Variants in ZNF226 observed in about 807,000 individuals in gnomAD.
The protein encoded by ZNF226 is Kruppel-associated box protein.
In ZNF226, 6 loss-of-function variants were observed where a neutral mutation model predicts 11.4. That is an observed-to-expected ratio of 0.53 (90% CI 0.29 to 1.04). The LOEUF (loss-of-function observed/expected upper bound fraction) is 1.04, where lower values mean the gene tolerates loss of function less well. Ranked by LOEUF, ZNF226 falls within the 50% of genes least tolerant of loss-of-function variation. The pLI is 0.08. For missense variants in ZNF226, 1,058 were observed against 956.5 expected (o/e 1.11, Z -1.40); for synonymous variants, 350 against 322.8 (o/e 1.08, Z -0.90).
intron 3 of ZNF226, 51 bp downstream of exon 3, chr19:44,170,146 A>G: frequency 1.9e-6 from 3 of 1,591,414 alleles, no homozygotes; most frequent in Non-Finnish European, 2.6e-6. Context: ...TTTAGTACTC[A>G]GAGATGGAAC....
chr19:44,180,551 C>T (rs1280658038), downstream of ZNF226, among the ~76,000 whole-genome samples: 3 of 152,046 alleles, frequency 2.0e-5, no homozygotes, highest in Non-Finnish European at 4.4e-5. Flanking sequence ...AGTCAGGGGT[C>T]AAAAAACTAC....
chr19:44,180,135 A>G (rs1188791636), downstream of ZNF226, among the ~76,000 whole-genome samples: 5 of 151,244 alleles, frequency 3.3e-5, no homozygotes, highest in Admixed American at 3.3e-4. Flanking sequence ...GGGCAAATTC[A>G]GAAGCTATAG....
At chr19:44,190,392 G>T in the ZNF226 span, among the ~76,000 whole-genome samples, 1 of 152,052 alleles carries the variant, frequency 6.6e-6, no homozygotes. Context: ...GGAGTACAGT[G>T]GCGCGATCTC....
At chr19:44,178,554 A>G (rs1174317036), downstream of ZNF226, among the ~76,000 whole-genome samples, 1 of 152,166 alleles carries the variant, frequency 6.6e-6, no homozygotes, top group African/African-American at 2.4e-5. Context: ...ATATTCTGAG[A>G]AAAAGGACAA....
the ZNF226 span, among the ~76,000 whole-genome samples, chr19:44,185,529 T>C: frequency 6.6e-6 from 1 of 152,234 alleles, no homozygotes; most frequent in African/African-American, 2.4e-5. Context: ...CATGTACTTA[T>C]TGACAATTTA....
chr19:44,191,758 C>T, the ZNF226 span, among the ~76,000 whole-genome samples: 1 of 150,822 alleles, frequency 6.6e-6, no homozygotes, highest in Non-Finnish European at 1.5e-5. Flanking sequence ...CAGAACATTA[C>T]ATGGATTAAA....
intron 3 of ZNF226, among the ~76,000 whole-genome samples, chr19:44,171,060 A>G (rs941807311): frequency 6.6e-6 from 1 of 152,236 alleles, no homozygotes; most frequent in African/African-American, 2.4e-5. Flanking sequence ...TTGTATTTCT[A>G]TCAAATTTAT....
chr19:44,185,842 G>A, the ZNF226 span, among the ~76,000 whole-genome samples: 2 of 152,042 alleles, frequency 1.3e-5, no homozygotes, highest in Admixed American at 6.6e-5. Context: ...CAAATCTAAT[G>A]TTCTGAAGGT....
At chr19:44,167,060 C>T (rs1430629256) in intron 2 of ZNF226, among the ~76,000 whole-genome samples, 2 of 152,060 alleles carry the variant, frequency 1.3e-5, no homozygotes, top group East Asian at 1.9e-4. Context: ...AGTTTCTTTG[C>T]AAAAACCATG....
At chr19:44,193,833 A>C in the ZNF226 span, among the ~76,000 whole-genome samples, 1 of 152,208 alleles carries the variant, frequency 6.6e-6, no homozygotes, top group Admixed American at 6.5e-5. Flanking sequence ...CATTATCCTT[A>C]GTGTAATTTG....
At chr19:44,167,480 G>T (rs1226238736) in intron 2 of ZNF226, among the ~76,000 whole-genome samples, 2 of 151,558 alleles carry the variant, frequency 1.3e-5, no homozygotes, top group Non-Finnish European at 1.5e-5. Context: ...CACCACACCG[G>T]CTAATTTTTT....
chr19:44,189,873 T>C, the ZNF226 span, among the ~76,000 whole-genome samples: 4 of 152,358 alleles, frequency 2.6e-5, no homozygotes, highest in Non-Finnish European at 5.9e-5. Flanking sequence ...GTGAACTTTC[T>C]GCATGACCCA....
chr19:44,194,646 T>C, the ZNF226 span, among the ~76,000 whole-genome samples: 3 of 152,144 alleles, frequency 2.0e-5, no homozygotes, highest in African/African-American at 4.8e-5. Context: ...ATGTGAACTT[T>C]AAAAAAATGT....
chr19:44,181,247 AG>A (rs1970902150), downstream of ZNF226, among the ~76,000 whole-genome samples: 1 of 152,082 alleles, frequency 6.6e-6, no homozygotes, highest in African/African-American at 2.4e-5. Context: ...CTAGCCATGG[AG>A]GCACACATGT....
the ZNF226 span, among the ~76,000 whole-genome samples, chr19:44,189,852 C>T: frequency 2.2e-3 from 338 of 152,270 alleles, no homozygotes; most frequent in Non-Finnish European, 2.7e-3. Flanking sequence ...GTTATAGCAT[C>T]GGGTGGTTTG....
chr19:44,199,002 C>A, the ZNF226 span, among the ~76,000 whole-genome samples: 1 of 151,936 alleles, frequency 6.6e-6, no homozygotes. Context: ...GGTGTTTCAC[C>A]ATGTTGGCCA....
At chr19:44,188,437 T>G in the ZNF226 span, among the ~76,000 whole-genome samples, 2 of 152,336 alleles carry the variant, frequency 1.3e-5, no homozygotes, top group East Asian at 3.9e-4. Flanking sequence ...CCAACTTTTT[T>G]GGGTGATTAT....
At chr19:44,179,841 G>A (rs1440023807), downstream of ZNF226, among the ~76,000 whole-genome samples, 1 of 151,996 alleles carries the variant, frequency 6.6e-6, no homozygotes, top group East Asian at 1.9e-4. Context: ...CCAGCACTTT[G>A]GATGGCTGAG....
At position 44,176,653 on chromosome 19, in the gene ZNF226, C is replaced by A. The variant is rs755070113; in HGVS notation, c.1391C>A (p.Ala464Asp). 1 of 1,613,516 alleles carries A rather than the reference C, an allele frequency of 6.2e-7. No individual in the cohort carries two copies. Among genetic ancestry groups the A allele is most frequent in the Non-Finnish European group, 8.5e-7 (1 of 1,179,870 alleles). The change falls in exon 6 of 6, where the codon GCC becomes GAC. Residue 464 changes from alanine to aspartate, a missense_variant. Ala to Asp is a moderately radical substitution (Grantham distance 126). Transcript: ENST00000337433. ...TTTAGTCGGCCTTCAAGTCTTCAGG[C>A]CCATCAGGGAGTTCACACTGGAGAG... ...KGFSRPSSLQ[A>D]HQGVHTGEKS...
Sources: allele counts gnomAD v4.1 joint callset (sites outside exome capture counted in the v4.1 genomes callset), GRCh38; gene constraint gnomAD v4.1.1; transcripts MANE v1.5; gene names NCBI Gene and HGNC (gene_info 2026-07-23, HGNC 2026-07-21).